KCNK1: variants seen among roughly 807,000 people sequenced by gnomAD.
The protein encoded by KCNK1 is potassium two pore domain channel subfamily K member 1, also known as potassium channel subfamily K member 1.
A neutral mutation model predicts 22.2 loss-of-function variants in KCNK1; 10 were observed. The ratio of observed to expected loss-of-function variants is 0.45; its 90% CI spans 0.28 to 0.76. The LOEUF is 0.76. Among genes scored for constraint, KCNK1 ranks in the 30% least tolerant of loss-of-function variants. The pLI, the probability that KCNK1 is intolerant of heterozygous loss-of-function variation, is 0.14. For synonymous variants in KCNK1, 200 were observed against 186.4 expected, an observed-to-expected ratio of 1.07 and a Z score of -0.60; for missense variants, 378 against 421.0, an observed-to-expected ratio of 0.90 and a Z score of 0.89.
chr1:233,631,283 G>A (rs368062075), intron 1 of KCNK1: 5 of 531,604 alleles, frequency 9.4e-6, no homozygotes, highest in Non-Finnish European at 1.5e-5. Context: ...ATCAAGATAT[G>A]AAAGGTTGTC....
chr1:233,639,164 G>A (rs1361281823), intron 1 of KCNK1, among the ~76,000 whole-genome samples: 1 of 152,080 alleles, frequency 6.6e-6, no homozygotes, highest in African/African-American at 2.4e-5. Flanking sequence ...TCCAAAGAAG[G>A]GGCTAACTGA....
At chr1:233,636,386 G>A (rs1657897233) in intron 1 of KCNK1, 2 of 152,240 alleles carry the variant, frequency 1.3e-5, no homozygotes, top group African/African-American at 2.4e-5. Flanking sequence ...GAGAGTGAGA[G>A]TTGGTGGATT....
chr1:233,667,411 T>C (rs977468776), intron 2 of KCNK1, among the ~76,000 whole-genome samples: 2 of 152,152 alleles, frequency 1.3e-5, no homozygotes, highest in Middle Eastern at 3.2e-3. Flanking sequence ...ACTAATAATG[T>C]AGGCGTTATA....
At position 233,666,782 on chromosome 1, in the gene KCNK1, C is replaced by T. The variant is rs1006991222; in HGVS notation, c.543C>T (p.Ile181=). ...RWGFSKQVVA[I]VHAVLLGFVT... is the part of the protein sequence containing the mutation. Reference sequence around the variant, plus strand: ...GCTTCTCCAAGCAGGTGGTGGCCATCGTCCATGCCGTGCTCCTTGGGTTTG... The same window carrying T: ...GCTTCTCCAAGCAGGTGGTGGCCATTGTCCATGCCGTGCTCCTTGGGTTTG... The change falls in exon 2 of 3, where the codon ATC becomes ATT. Residue 181 remains isoleucine (I), a synonymous_variant. Transcript: ENST00000366621. 8 of 1,614,176 alleles carry T rather than the reference C, an allele frequency of 5.0e-6. No homozygotes were observed. Among genetic ancestry groups the T allele is most frequent in the Non-Finnish European group, 6.8e-6 (8 of 1,180,040 alleles).
chr1:233,649,692 A>T (rs921028452), intron 1 of KCNK1, among the ~76,000 whole-genome samples: 1 of 152,142 alleles, frequency 6.6e-6, no homozygotes. Context: ...GCCCTCTGAT[A>T]TAAGGGCACT....
chr1:233,648,819 G>A (rs1245502927), intron 1 of KCNK1, among the ~76,000 whole-genome samples: 16 of 152,080 alleles, frequency 1.1e-4, no homozygotes, highest in Admixed American at 7.2e-4. Flanking sequence ...CACCTGCCTT[G>A]GCCCCCCAAA....
intron 1 of KCNK1, among the ~76,000 whole-genome samples, chr1:233,626,851 G>C (rs1012027665): frequency 6.6e-6 from 1 of 152,024 alleles, no homozygotes; most frequent in Non-Finnish European, 1.5e-5. Flanking sequence ...AGGATATTTA[G>C]TATTTGATAT....
At chr1:233,653,665 G>A (rs1484864100) in intron 1 of KCNK1, among the ~76,000 whole-genome samples, 1 of 152,076 alleles carries the variant, frequency 6.6e-6, no homozygotes, top group Admixed American at 6.5e-5. Context: ...CCTTGGACTG[G>A]GAGTTATGTC....
intron 1 of KCNK1, among the ~76,000 whole-genome samples, chr1:233,626,933 G>A (rs1178730797): frequency 6.6e-6 from 1 of 152,026 alleles, no homozygotes; most frequent in African/African-American, 2.4e-5. Context: ...CTTTTAAGGA[G>A]TAGCTAATAT....
In KCNK1 at chr1:233,671,674, A is replaced by G; in HGVS notation, c.*144A>G. 1.1e-6 allele frequency: 1 copy of G among 952,308 alleles called. No individual in the cohort carries two copies. The highest frequency in any genetic ancestry group is 1.5e-6 in the Non-Finnish European group (1 of 650,876). The allele number at this position is 952,308 out of a possible 1,614,324, so 59.0% of individuals were successfully genotyped here. ...ACTGTTTGCAATGTCTTATTAAAAA[A>G]CAACAAAAAAAGACAAATGGAACAA... On this transcript the variant is annotated 3_prime_UTR_variant, in exon 3 of 3. Coordinates refer to ENST00000366621, the MANE Select transcript of KCNK1 (RefSeq NM_002245.4).
chr1:233,660,300 A>C (rs1010702311), intron 1 of KCNK1, among the ~76,000 whole-genome samples: 6 of 152,210 alleles, frequency 3.9e-5, no homozygotes, highest in African/African-American at 1.4e-4. Flanking sequence ...TTTATTTATA[A>C]ACAGGGATTC....
chr1:233,618,303 G>A (rs1657520371), intron 1 of KCNK1, among the ~76,000 whole-genome samples: 1 of 151,596 alleles, frequency 6.6e-6, no homozygotes, highest in Non-Finnish European at 1.5e-5. Context: ...ACAGTTTTGA[G>A]CTTTTCAGAA....
chr1:233,617,624 C>A (rs1657507658), intron 1 of KCNK1, among the ~76,000 whole-genome samples: 1 of 152,188 alleles, frequency 6.6e-6, no homozygotes, highest in South Asian at 2.1e-4. Flanking sequence ...AGGATATGAT[C>A]TGACTGAGCA....
At chr1:233,650,190 A>G (rs1658175700) in intron 1 of KCNK1, 7 of 374,114 alleles carry the variant, frequency 1.9e-5, no homozygotes, top group South Asian at 1.2e-4. Flanking sequence ...GTGAGCAGCT[A>G]TCATAGTGGG....
At chr1:233,625,621 G>T (rs189832355) in intron 1 of KCNK1, among the ~76,000 whole-genome samples, 1 of 152,274 alleles carries the variant, frequency 6.6e-6, no homozygotes, top group Non-Finnish European at 1.5e-5. Context: ...TGCACAGGAT[G>T]TTAGGTGGTG....
rs1658608920 is a variant in KCNK1, at chr1:233,671,985, C to A, written c.*455C>A. ...TTATGTGTACTGGTTTGCATGTACC[C>A]ACCCAAAATGATTATTTTTGTAGAA... On this transcript the variant is annotated 3_prime_UTR_variant, in exon 3 of 3. Transcript: ENST00000366621. The A allele has an allele frequency of 6.1e-6, 1 of 162,980 alleles. No homozygotes were observed. The highest frequency in any genetic ancestry group is 1.6e-4 in the South Asian group (1 of 6,080). The allele number at this position is 162,980 out of a possible 1,614,324, so 10.1% of individuals were successfully genotyped here. A position where few individuals can be genotyped will look rare whatever the true frequency, so the allele number is the denominator to read the frequency against.
At chr1:233,658,236 A>G (rs908685325) in intron 1 of KCNK1, among the ~76,000 whole-genome samples, 26 of 152,226 alleles carry the variant, frequency 1.7e-4, no homozygotes, top group African/African-American at 6.3e-4. Flanking sequence ...GGGATCCATT[A>G]GAGTTGGATA....
intron 1 of KCNK1, among the ~76,000 whole-genome samples, chr1:233,617,344 C>T (rs531739423): frequency 6.6e-6 from 1 of 152,196 alleles, no homozygotes; most frequent in Non-Finnish European, 1.5e-5. Context: ...TCTTCTCATT[C>T]TGTGCTTTGC....
At chr1:233,637,745 T>G (rs1466143896) in intron 1 of KCNK1, among the ~76,000 whole-genome samples, 1 of 152,154 alleles carries the variant, frequency 6.6e-6, no homozygotes, top group East Asian at 1.9e-4. Context: ...AATGTCGTTT[T>G]GGGAACCTCA....
Sources: gnomAD v4.1 joint callset for allele counts (sites outside exome capture counted in the v4.1 genomes callset) on GRCh38, gnomAD v4.1.1 for gene constraint, MANE v1.5 for transcripts, NCBI Gene and HGNC (gene_info 2026-07-23, HGNC 2026-07-21) for gene names.